Variants in ANO3 observed in about 807,000 individuals in gnomAD.
ANO3 encodes anoctamin 3, also known as anoctamin-3.
ANO3 carries 99 observed loss-of-function variants against 144.8 expected under a neutral mutation model. The observed-to-expected ratio is 0.68, with a 90% CI of 0.58 to 0.81. The LOEUF is 0.81. ANO3 is among the 30% of genes least tolerant of loss of function. ANO3 has a pLI of 0.00. For synonymous variants in ANO3, 414 were observed against 392.6 expected (o/e 1.05, Z -0.64); for missense variants, 905 against 1,202.2 (o/e 0.75, Z 3.66).
chr11:26,613,404 T>C (rs1852157387), intron 17 of ANO3, among the ~76,000 whole-genome samples: 1 of 152,194 alleles, frequency 6.6e-6, no homozygotes. Flanking sequence ...TCGGATTTCA[T>C]TGAATCATTT....
rs1383518587 is a variant in ANO3, at chr11:26,621,492, A to G, written c.1837-2970A>G. ...TCATTGCATGCACTTCTCTGCTCAG[A>G]TGCTACCCTCTGAATACTTTATTCA... On this transcript the variant is annotated intron_variant, in intron 17 of 26. Coordinates refer to ENST00000256737, the MANE Select transcript of ANO3 (RefSeq NM_031418.4). Among the ~76,000 whole-genome samples the G allele has an allele frequency of 2.0e-5, 3 of 152,084 alleles. No homozygotes were observed. In the East Asian group the frequency reaches 5.8e-4, roughly 29 times the overall value.
At chr11:26,517,024 G>A in intron 6 of ANO3, 97 bp downstream of exon 6, 1 of 583,096 alleles carries the variant, frequency 1.7e-6, no homozygotes, top group Non-Finnish European at 2.8e-6. Context: ...CTTCTACAGA[G>A]AAAATGCTTT....
intron 1 of ANO3, among the ~76,000 whole-genome samples, chr11:26,286,985 T>C (rs1254720296): frequency 2.6e-5 from 4 of 152,276 alleles, no homozygotes; most frequent in Middle Eastern, 6.8e-3. Flanking sequence ...CTTAACAAAG[T>C]GTTATAAATC....
intron 4 of ANO3, among the ~76,000 whole-genome samples, chr11:26,464,001 A>T (rs1290207686): frequency 6.6e-6 from 1 of 151,820 alleles, no homozygotes; most frequent in African/African-American, 2.4e-5. Flanking sequence ...CTTAGGTTTC[A>T]ATTTTCACTG....
chr11:26,189,264 T>C (rs1265969756), exon 1 of ANO3: 1 of 985,234 alleles, frequency 1.0e-6, no homozygotes, highest in Non-Finnish European at 1.2e-6. Context: ...TGCTTTACCC[T>C]GTTTGACTGA....
At chr11:26,417,287 A>G (rs1275715539) in intron 1 of ANO3, among the ~76,000 whole-genome samples, 1 of 152,128 alleles carries the variant, frequency 6.6e-6, no homozygotes, top group African/African-American at 2.4e-5. Context: ...CACAACCCAA[A>G]TATCTTTCAG....
Position 26,598,365 on chromosome 11 carries a change from C to A in ANO3, c.1448C>A (p.Ala483Asp). The A allele has an allele frequency of 1.3e-6, 2 of 1,514,078 alleles. No individual in the cohort carries two copies. The highest frequency in any genetic ancestry group is 1.8e-6 in the Non-Finnish European group (2 of 1,128,114). 93.8% of individuals were successfully genotyped at this position (1,514,078 alleles called of 1,614,324 possible). A position where few individuals can be genotyped will look rare whatever the true frequency, so the allele number is the denominator to read the frequency against. The change falls in exon 15 of 27, where the codon GCC (alanine) becomes GAC (aspartate). Residue 483 changes from alanine (A) to aspartate (D), a missense_variant and splice_region_variant. Transcript: ENST00000256737. ...GAATTATCATTTTTATATTTTATAG[C>A]CACAGTCTTCCTGGAGTTTTGGAAA... is the stretch of plus-strand genomic sequence containing the variant. Reference protein sequence around the residue: ...VFFAIFMAIWATVFLEFWKRR... With the variant: ...VFFAIFMAIWDTVFLEFWKRR...
At chr11:26,597,913 T>C (rs1279550144) in intron 14 of ANO3, among the ~76,000 whole-genome samples, 1 of 152,222 alleles carries the variant, frequency 6.6e-6, no homozygotes, top group South Asian at 2.1e-4. Context: ...TGTCTTTCTT[T>C]TCTTCTCCTT....
At chr11:26,407,830 C>A (rs1857328836) in intron 1 of ANO3, among the ~76,000 whole-genome samples, 1 of 151,812 alleles carries the variant, frequency 6.6e-6, no homozygotes, top group Non-Finnish European at 1.5e-5. Flanking sequence ...TACCCCACTC[C>A]CCTTTGCCTT....
intron 3 of ANO3, among the ~76,000 whole-genome samples, chr11:26,456,098 T>G (rs1382822377): frequency 6.6e-6 from 1 of 152,100 alleles, no homozygotes. Context: ...GACCTAAACA[T>G]TAGACCTAAA....
At chr11:26,631,250 AT>A (rs1299332684) in intron 18 of ANO3, among the ~76,000 whole-genome samples, 1 of 152,064 alleles carries the variant, frequency 6.6e-6, no homozygotes, top group East Asian at 1.9e-4. Flanking sequence ...TTCAAGAATC[AT>A]TCTATTTTAT....
At chr11:26,240,067 G>A (rs570753630) in intron 1 of ANO3, among the ~76,000 whole-genome samples, 1 of 151,962 alleles carries the variant, frequency 6.6e-6, no homozygotes, top group Non-Finnish European at 1.5e-5. Flanking sequence ...CCACTTATTG[G>A]GGCAAATTAC....
chr11:26,359,727 A>G (rs1036671430), intron 1 of ANO3, among the ~76,000 whole-genome samples: 1 of 152,166 alleles, frequency 6.6e-6, no homozygotes, highest in Non-Finnish European at 1.5e-5. Flanking sequence ...TGACAGAATC[A>G]TAGGGATGGC....
In ANO3 at chr11:26,459,286, A is replaced by G. The variant is rs914360465; in HGVS notation, c.314-3744A>G. On this transcript the variant is annotated intron_variant, in intron 3 of 26. Coordinates refer to ENST00000256737, the MANE Select transcript of ANO3 (RefSeq NM_031418.4). ...ATTAGAAGGTTTGAATAGAGATTTA[A>G]TATCATTTATCTTGGGTTTTTAAAA... Among the ~76,000 whole-genome samples the G allele has an allele frequency of 3.3e-5, 5 of 152,064 alleles. No homozygotes were observed. In the East Asian group the frequency reaches 9.7e-4, roughly 29 times the overall value.
intron 1 of ANO3, among the ~76,000 whole-genome samples, chr11:26,370,551 G>A (rs1019632830): frequency 2.0e-5 from 3 of 152,148 alleles, no homozygotes; most frequent in Non-Finnish European, 2.9e-5. Context: ...AGTTTGGAGG[G>A]CTCAGAAGAA....
At chr11:26,512,103 C>G (rs373891453) in intron 5 of ANO3, among the ~76,000 whole-genome samples, 1 of 152,268 alleles carries the variant, frequency 6.6e-6, no homozygotes, top group African/African-American at 2.4e-5. Flanking sequence ...AAGAACAAGA[C>G]TGGATGCACA....
intron 1 of ANO3, among the ~76,000 whole-genome samples, chr11:26,427,813 T>A (rs1035460033): frequency 1.3e-5 from 2 of 152,138 alleles, no homozygotes; most frequent in Non-Finnish European, 2.9e-5. Flanking sequence ...CTTTCAATAG[T>A]GGCAGAAGGG....
chr11:26,248,435 T>C (rs1210520816), intron 1 of ANO3, among the ~76,000 whole-genome samples: 1 of 152,204 alleles, frequency 6.6e-6, no homozygotes, highest in Non-Finnish European at 1.5e-5. Flanking sequence ...CTTTCCCTAA[T>C]GAGAGGGTTA....
chr11:26,406,146 A>G (rs1486796320), intron 1 of ANO3, among the ~76,000 whole-genome samples: 1 of 151,880 alleles, frequency 6.6e-6, no homozygotes, highest in Non-Finnish European at 1.5e-5. Context: ...TGTATTTCTT[A>G]TGGGCTTGGA....
Sources: allele counts gnomAD v4.1 joint callset (sites outside exome capture counted in the v4.1 genomes callset), GRCh38; gene constraint gnomAD v4.1.1; transcripts MANE v1.5; gene names NCBI Gene and HGNC (gene_info 2026-07-23, HGNC 2026-07-21).